LHFPL7: variants seen among roughly 807,000 people sequenced by gnomAD.
LHFPL7 encodes the protein LHFPL tetraspan subfamily member 7.
At chr22:24,942,406 C>T in the LHFPL7 span, among the ~76,000 whole-genome samples, 9 of 152,362 alleles carry the variant, frequency 5.9e-5, no homozygotes, top group Non-Finnish European at 1.2e-4. Flanking sequence ...AACAAATAGC[C>T]AATCCTGCCA....
the LHFPL7 span, among the ~76,000 whole-genome samples, chr22:24,942,641 G>A: frequency 9.8e-4 from 150 of 152,314 alleles, 1 homozygote; most frequent in East Asian, 0.027. Flanking sequence ...TCCCTGGTGC[G>A]GGACCTGGGG....
At chr22:24,944,715 TG>T in the LHFPL7 span, among the ~76,000 whole-genome samples, 1 of 146,020 alleles carries the variant, frequency 6.8e-6, no homozygotes, top group East Asian at 2.0e-4. Context: ...CCAACATGCC[TG>T]GCTATTTATT....
chr22:24,939,294 G>A, the LHFPL7 span: 1 of 701,860 alleles, frequency 1.4e-6, no homozygotes, highest in Admixed American at 2.0e-5. Context: ...GAGTTTAAAC[G>A]AGCCCCTGAA....
chr22:24,937,084 T>A, the LHFPL7 span, among the ~76,000 whole-genome samples: 2 of 152,342 alleles, frequency 1.3e-5, no homozygotes, highest in Admixed American at 1.3e-4. Flanking sequence ...ATGGAGCTGA[T>A]GTTCTTTGGA....
chr22:24,944,869 G>T, the LHFPL7 span, among the ~76,000 whole-genome samples: 1 of 151,888 alleles, frequency 6.6e-6, no homozygotes, highest in Non-Finnish European at 1.5e-5. Context: ...GAGTACAATG[G>T]CGCGATCTCG....
At chr22:24,941,965 G>A in the LHFPL7 span, among the ~76,000 whole-genome samples, 12 of 142,484 alleles carry the variant, frequency 8.4e-5, no homozygotes, top group Non-Finnish European at 1.5e-4. Flanking sequence ...GCACCTGGCC[G>A]AAATTCAAAT....
chr22:24,941,603 T>A, the LHFPL7 span, among the ~76,000 whole-genome samples: 3 of 2,082 alleles, frequency 1.4e-3, no homozygotes, highest in East Asian at 0.17. Context: ...CGTATATTTG[T>A]TTTTTTTTTT....
the LHFPL7 span, among the ~76,000 whole-genome samples, chr22:24,946,382 C>G: frequency 6.6e-6 from 1 of 152,054 alleles, no homozygotes; most frequent in Non-Finnish European, 1.5e-5. Context: ...CTCACATAAG[C>G]AAGCATGCAC....
chr22:24,939,185 A>G, the LHFPL7 span: 1 of 634,776 alleles, frequency 1.6e-6, no homozygotes, highest in African/African-American at 1.8e-5. Context: ...TTCTATGCTC[A>G]GTTCTAAGGA....
chr22:24,940,248 GCCT>G, the LHFPL7 span, among the ~76,000 whole-genome samples: 2 of 147,988 alleles, frequency 1.4e-5, no homozygotes, highest in Admixed American at 1.3e-4. Flanking sequence ...CTTCCATGGA[GCCT>G]CCTCTGTTCT....
chr22:24,943,290 A>G, the LHFPL7 span, among the ~76,000 whole-genome samples: 1 of 152,148 alleles, frequency 6.6e-6, no homozygotes, highest in African/African-American at 2.4e-5. Context: ...TCTCCAGATA[A>G]TGCTCAATGT....
the LHFPL7 span, among the ~76,000 whole-genome samples, chr22:24,944,466 G>A: frequency 2.0e-5 from 3 of 152,180 alleles, no homozygotes; most frequent in Admixed American, 1.3e-4. Context: ...TGGGGAGCAG[G>A]TGCAAAGGCC....
chr22:24,935,590 C>T, the LHFPL7 span: 1 of 1,610,204 alleles, frequency 6.2e-7, no homozygotes, highest in Non-Finnish European at 8.5e-7. Context: ...ACAATCATGG[C>T]AGTAGCTGGA....
the LHFPL7 span, chr22:24,935,166 G>A: frequency 2.4e-6 from 2 of 826,240 alleles, no homozygotes; most frequent in African/African-American, 1.7e-5. Context: ...TATGAGGTAG[G>A]TATGATTTCA....
the LHFPL7 span, chr22:24,938,302 C>A: frequency 1.2e-6 from 2 of 1,613,982 alleles, no homozygotes; most frequent in South Asian, 2.2e-5. Context: ...AGGGAAGAGA[C>A]AGGAGGAAAA....
the LHFPL7 span, chr22:24,938,007 T>G: frequency 7.9e-7 from 1 of 1,268,688 alleles, no homozygotes. Flanking sequence ...GGACCAGGAA[T>G]AGTCAACAAT....
chr22:24,941,477 TCTC>T, the LHFPL7 span, among the ~76,000 whole-genome samples: 2 of 152,148 alleles, frequency 1.3e-5, no homozygotes, highest in Non-Finnish European at 2.9e-5. Context: ...AAGGGCCTCA[TCTC>T]CTAATATCAT....
the LHFPL7 span, among the ~76,000 whole-genome samples, chr22:24,937,938 A>G: frequency 6.6e-6 from 1 of 152,208 alleles, no homozygotes; most frequent in African/African-American, 2.4e-5. Flanking sequence ...AGCTAAGAGC[A>G]GTAATGGGTG....
chr22:24,940,881 C>G, the LHFPL7 span, among the ~76,000 whole-genome samples: 17 of 152,118 alleles, frequency 1.1e-4, no homozygotes, highest in Admixed American at 2.6e-4. Context: ...ATCCTCCCAC[C>G]TGCTGAGTAG....
Sources: gnomAD v4.1 joint callset for allele counts (sites outside exome capture counted in the v4.1 genomes callset) on GRCh38, gnomAD v4.1.1 for gene constraint, MANE v1.5 for transcripts, NCBI Gene and HGNC (gene_info 2026-07-23, HGNC 2026-07-21) for gene names.